RP1: variants seen among roughly 807,000 people sequenced by gnomAD.
RP1 encodes the protein oxygen-regulated protein 1.
In RP1, 16 loss-of-function variants were observed where a neutral mutation model predicts 14.8. The observed-to-expected ratio is 1.08, with a 90% CI of 0.73 to 1.65. The LOEUF is 1.65. Among genes scored for constraint, RP1 ranks in the 40% most tolerant of loss-of-function variants. RP1 has a pLI of 0.00. For missense variants in RP1, 2,631 were observed against 2,535.0 expected (o/e 1.04, Z -0.81); for synonymous variants, 876 against 883.6 (o/e 0.99, Z 0.15).
intron 27 of RP1, among the ~76,000 whole-genome samples, chr8:54,859,938 C>G (rs1812301635): frequency 6.6e-6 from 1 of 152,168 alleles, no homozygotes; most frequent in Non-Finnish European, 1.5e-5. Flanking sequence ...TCAGACTCCT[C>G]TTTGTGACAT....
At chr8:54,816,219 T>C (rs1811129386) in intron 24 of RP1, among the ~76,000 whole-genome samples, 2 of 152,196 alleles carry the variant, frequency 1.3e-5, no homozygotes, top group Non-Finnish European at 2.9e-5. Context: ...GAACTAGAAT[T>C]TTGAAAGCTG....
At chr8:54,571,876 C>CT (rs545927713) in intron 1 of RP1, among the ~76,000 whole-genome samples, 105 of 152,160 alleles carry the variant, frequency 6.9e-4, no homozygotes, top group African/African-American at 2.3e-3. Flanking sequence ...CCAAATTTCC[C>CT]TTTTTTTGTA....
At chr8:54,624,089 T>G (rs557371789) in intron 3 of RP1, among the ~76,000 whole-genome samples, 42 of 152,334 alleles carry the variant, frequency 2.8e-4, no homozygotes, top group Non-Finnish European at 5.7e-4. Context: ...AGATCTCTTC[T>G]AAAGAGTGGT....
intron 23 of RP1, among the ~76,000 whole-genome samples, chr8:54,776,043 A>C (rs1275438525): frequency 6.6e-6 from 1 of 152,218 alleles, no homozygotes; most frequent in East Asian, 1.9e-4. Context: ...AATAAAAAAT[A>C]ACAATATAAC....
chr8:54,639,058 A>T (rs148555728), intron 3 of RP1, among the ~76,000 whole-genome samples: 2 of 152,306 alleles, frequency 1.3e-5, no homozygotes, highest in African/African-American at 4.8e-5. Context: ...CACTCAAAAA[A>T]GGACTTTTTA....
Position 54,798,650 on chromosome 8 carries a change from A to T in RP1, c.3615+14940A>T, listed in dbSNP as rs16920769. Reference sequence around the variant, plus strand: ...TCCTCAGATGATTTATTTTGAGGGCATTAGTGTTCTTATTGCATGTTGAGC... The same window carrying T: ...TCCTCAGATGATTTATTTTGAGGGCTTTAGTGTTCTTATTGCATGTTGAGC... On this transcript the variant is annotated intron_variant, in intron 24 of 28. Coordinates refer to the RP1 transcript ENST00000637698. 2.1e-3 allele frequency among the ~76,000 whole-genome samples: 317 copies of T among 152,306 alleles called. 7 individuals carry two copies. The East Asian group carries it at 0.055, about 26-fold the overall frequency.
intron 21 of RP1, among the ~76,000 whole-genome samples, chr8:54,758,575 G>A (rs779258048): frequency 1.3e-4 from 20 of 152,122 alleles, no homozygotes; most frequent in Admixed American, 3.9e-4. Context: ...CATTAGCTGC[G>A]TGGTTGTCAA....
intron 22 of RP1, among the ~76,000 whole-genome samples, chr8:54,768,504 T>C (rs1053069282): frequency 5.3e-5 from 8 of 152,178 alleles, no homozygotes; most frequent in African/African-American, 1.9e-4. Context: ...TAAGTATGTA[T>C]TGAATGGATA....
At chr8:54,749,121 AG>A (rs1563365218) in intron 19 of RP1, among the ~76,000 whole-genome samples, 3 of 152,052 alleles carry the variant, frequency 2.0e-5, no homozygotes, top group Non-Finnish European at 2.9e-5. Flanking sequence ...TTTATAAAAA[AG>A]GATCGAGACC....
rs1469200698 is a variant in RP1, at chr8:54,656,761, A to G, written c.1171+546A>G. On this transcript the variant is annotated intron_variant, in intron 6 of 22. Transcript: ENST00000636932. Reference sequence around the variant, plus strand: ...GAATTCAGGGTGACTATCCATAAGAACCATTTGCTCTTGGGTCTGCTGGCC... The same window carrying G: ...GAATTCAGGGTGACTATCCATAAGAGCCATTTGCTCTTGGGTCTGCTGGCC... Among the ~76,000 whole-genome samples the G allele has an allele frequency of 2.7e-5, 4 of 150,678 alleles. No individual in the cohort carries two copies. The Admixed American group carries it at 2.7e-4, about 10-fold the overall frequency.
chr8:54,779,462 A>G (rs537187974), intron 23 of RP1, among the ~76,000 whole-genome samples: 1 of 152,202 alleles, frequency 6.6e-6, no homozygotes, highest in Non-Finnish European at 1.5e-5. Context: ...TTCAGTGGGT[A>G]GTTGCCAAGT....
At chr8:54,690,725 A>G (rs1213364797) in intron 12 of RP1, among the ~76,000 whole-genome samples, 1 of 152,050 alleles carries the variant, frequency 6.6e-6, no homozygotes, top group Admixed American at 6.6e-5. Context: ...ACTGAGCTGC[A>G]GCAAATCAGG....
chr8:54,603,496 C>G (rs1036016018), intron 1 of RP1, among the ~76,000 whole-genome samples: 112 of 152,062 alleles, frequency 7.4e-4, no homozygotes, highest in East Asian at 1.5e-3. Context: ...TGTTCTTTTG[C>G]CTTAGGATTG....
At chr8:54,797,326 A>G (rs1193074326) in intron 24 of RP1, among the ~76,000 whole-genome samples, 1 of 152,210 alleles carries the variant, frequency 6.6e-6, no homozygotes, top group East Asian at 1.9e-4. Flanking sequence ...AATAGTTGTG[A>G]TAATAGACGT....
At chr8:54,679,407 T>C in intron 9 of RP1, 2 of 1,533,044 alleles carry the variant, frequency 1.3e-6, no homozygotes, top group South Asian at 1.2e-5. Flanking sequence ...TCGATACACT[T>C]TTCTTTTCAC....
chr8:54,626,821 G>C lies in RP1; in HGVS notation c.2939G>C (p.Gly980Ala), dbSNP rs1806069378. 6.2e-7 allele frequency: 1 copy of C among 1,613,646 alleles called. No individual in the cohort carries two copies. The highest frequency in any genetic ancestry group is 8.5e-7 in the Non-Finnish European group (1 of 1,179,952). Residue 980 changes from glycine (G) to alanine (A), a missense_variant, in exon 4 of 4, where the codon GGT becomes GCT. Coordinates refer to ENST00000220676, the MANE Select transcript of RP1 (RefSeq NM_006269.2). ...AATAAGCACATAACTAAAATTGCCG[G>C]TTTGACAGGAGATAATCTATGTAAA... is the stretch of plus-strand genomic sequence containing the variant. ...ESNKHITKIA[G>A]LTGDNLCKEG...
intron 3 of RP1, among the ~76,000 whole-genome samples, chr8:54,642,121 G>A (rs1240236129): frequency 6.6e-6 from 1 of 152,030 alleles, no homozygotes; most frequent in Admixed American, 6.6e-5. Flanking sequence ...ATACTCTACT[G>A]GGAAGAACAG....
chr8:54,644,979 G>T (rs539005092), intron 3 of RP1, among the ~76,000 whole-genome samples: 1 of 151,992 alleles, frequency 6.6e-6, no homozygotes, highest in Non-Finnish European at 1.5e-5. Flanking sequence ...GTTGTATTGG[G>T]TTAAGAGCCT....
intron 24 of RP1, among the ~76,000 whole-genome samples, chr8:54,824,842 A>G (rs1026328135): frequency 6.6e-6 from 1 of 152,258 alleles, no homozygotes; most frequent in African/African-American, 2.4e-5. Flanking sequence ...ATGCAGAAGT[A>G]GCATTTGACA....
Sources: allele counts gnomAD v4.1 joint callset (sites outside exome capture counted in the v4.1 genomes callset), GRCh38; gene constraint gnomAD v4.1.1; transcripts MANE v1.5; gene names NCBI Gene and HGNC (gene_info 2026-07-23, HGNC 2026-07-21).